CACNB2: variants seen among roughly 807,000 people sequenced by gnomAD.
CACNB2 encodes voltage-dependent L-type calcium channel subunit beta-2.
Under a neutral mutation model 73.3 loss-of-function variants are expected in CACNB2, and 42 were observed. The observed-to-expected ratio is 0.57, with a 90% CI of 0.45 to 0.74. The LOEUF is 0.74. CACNB2 is among the 30% of genes least tolerant of loss of function. The pLI is 0.00. For synonymous variants in CACNB2, 348 were observed against 310.3 expected (o/e 1.12, Z -1.28); for missense variants, 940 against 853.0 (o/e 1.10, Z -1.27).
chr10:18,157,629 G>C lies in CACNB2; in HGVS notation c.213+6654G>C, dbSNP rs1478967596. Among the ~76,000 whole-genome samples, 6 of 152,196 alleles carry C rather than the reference G, an allele frequency of 3.9e-5. No homozygotes were observed. In the East Asian group the frequency reaches 9.6e-4, roughly 24 times the overall value. ...CACAGATGAGAAATGGAGGCTCAGA[G>C]GTGAAGTGACTTTTCCACAGTCACG... is the stretch of plus-strand genomic sequence containing the variant. On this transcript the variant is annotated intron_variant, in intron 2 of 13. Transcript: ENST00000324631.
At chr10:18,318,780 A>G (rs1334847840) in intron 2 of CACNB2, among the ~76,000 whole-genome samples, 1 of 152,250 alleles carries the variant, frequency 6.6e-6, no homozygotes, top group Non-Finnish European at 1.5e-5. Flanking sequence ...CCCATCAAAA[A>G]GTGGGCCAAG....
Position 18,231,701 on chromosome 10 carries a change from A to G in CACNB2, c.213+80726A>G, listed in dbSNP as rs181537478. ...AATAGAAACTTGCTGTCCTGGATCT[A>G]TGTGATTCAGGGGTAAAGCATGCTG... On this transcript the variant is annotated intron_variant, in intron 2 of 13. Transcript: ENST00000324631. 3.9e-5 allele frequency among the ~76,000 whole-genome samples: 6 copies of G among 152,300 alleles called. No individual in the cohort carries two copies. The East Asian group carries it at 7.7e-4, about 20-fold the overall frequency.
intron 5 of CACNB2, among the ~76,000 whole-genome samples, chr10:18,503,205 G>C (rs1267544914): frequency 3.3e-5 from 5 of 152,212 alleles, no homozygotes; most frequent in Admixed American, 3.3e-4. Context: ...CAGGGTGTTT[G>C]AAGACCCGAT....
chr10:18,472,152 A>G (rs1220671199), intron 3 of CACNB2, among the ~76,000 whole-genome samples: 1 of 148,594 alleles, frequency 6.7e-6, no homozygotes, highest in Non-Finnish European at 1.5e-5. Flanking sequence ...CTTGAGCCCC[A>G]TGGTTGACTA....
intron 2 of CACNB2, chr10:18,261,390 C>T (rs1588877021): frequency 7.7e-6 from 12 of 1,549,636 alleles, no homozygotes; most frequent in Admixed American, 2.0e-5. Flanking sequence ...TGCATGTTGC[C>T]TCTTTCAGCT....
At chr10:18,175,490 C>T (rs2033531425) in intron 2 of CACNB2, among the ~76,000 whole-genome samples, 2 of 152,194 alleles carry the variant, frequency 1.3e-5, no homozygotes, top group Non-Finnish European at 2.9e-5. Context: ...TGAAAGTTCA[C>T]AGGCTCTTAT....
intron 2 of CACNB2, chr10:18,261,098 C>T: frequency 6.8e-7 from 1 of 1,470,482 alleles, no homozygotes; most frequent in East Asian, 2.6e-5. Flanking sequence ...GGCATGCCTG[C>T]AGGAACGGTG....
chr10:18,264,587 C>G (rs1007386338), intron 2 of CACNB2, among the ~76,000 whole-genome samples: 2 of 152,210 alleles, frequency 1.3e-5, no homozygotes, highest in Non-Finnish European at 2.9e-5. Flanking sequence ...TTTCCTGTTT[C>G]TGAATTTTAT....
intron 2 of CACNB2, among the ~76,000 whole-genome samples, chr10:18,310,370 C>G (rs1320115752): frequency 1.3e-5 from 2 of 151,734 alleles, no homozygotes; most frequent in African/African-American, 4.8e-5. Flanking sequence ...CTTTGGGAGG[C>G]TGAGGTGGGC....
At chr10:18,430,589 C>T (rs1309157592) in intron 3 of CACNB2, among the ~76,000 whole-genome samples, 1 of 152,138 alleles carries the variant, frequency 6.6e-6, no homozygotes, top group Non-Finnish European at 1.5e-5. Flanking sequence ...GTGATTGCGC[C>T]ACTGCACTCC....
rs1382822073 is a variant in CACNB2, at chr10:18,339,484, G to A, written c.214-62440G>A. Among the ~76,000 whole-genome samples, 3 of 152,116 alleles carry A rather than the reference G, an allele frequency of 2.0e-5. No homozygotes were observed. The East Asian group carries it at 5.8e-4, about 29-fold the overall frequency. On this transcript the variant is annotated intron_variant, in intron 2 of 13. Transcript: ENST00000324631. Reference sequence around the variant, plus strand: ...TGCAGTGAGCCGAGATCGCGCCACTGCACTACAGCCCGGGCAACACAGCAA... The same window carrying A: ...TGCAGTGAGCCGAGATCGCGCCACTACACTACAGCCCGGGCAACACAGCAA...
In CACNB2 at chr10:18,173,761, G is replaced by A. The variant is rs563053426; in HGVS notation, c.213+22786G>A. On this transcript the variant is annotated intron_variant, in intron 2 of 13. Transcript: ENST00000324631. ...GCCTAAAAGGCCCAGGACATTGTATGTTTTGTTGATATTAAGTTTGTATCT... is the reference window on the plus strand; with the variant it reads ...GCCTAAAAGGCCCAGGACATTGTATATTTTGTTGATATTAAGTTTGTATCT... Among the ~76,000 whole-genome samples the A allele has an allele frequency of 9.2e-5, 14 of 152,252 alleles. No homozygotes were observed. In the South Asian group the frequency reaches 2.9e-3, roughly 32 times the overall value.
chr10:18,345,866 T>G lies in CACNB2; in HGVS notation c.214-56058T>G, dbSNP rs143739795. 5.9e-4 allele frequency among the ~76,000 whole-genome samples: 90 copies of G among 152,298 alleles called. 1 individual carries two copies. The East Asian group carries it at 0.012, about 20-fold the overall frequency. ...CTTTATTCAGATATCTCACTTATTTTTGACAGGGAGCTAATAACCATTACG... is the reference window on the plus strand; with the variant it reads ...CTTTATTCAGATATCTCACTTATTTGTGACAGGGAGCTAATAACCATTACG... On this transcript the variant is annotated intron_variant, in intron 2 of 13. Transcript: ENST00000324631.
intron 2 of CACNB2, among the ~76,000 whole-genome samples, chr10:18,242,812 G>A (rs527625485): frequency 4.7e-4 from 66 of 141,548 alleles, no homozygotes; most frequent in African/African-American, 1.6e-3. Flanking sequence ...GTGAAACCCC[G>A]TCTCTACTAA....
chr10:18,148,515 G>C (rs1026184924), intron 1 of CACNB2, among the ~76,000 whole-genome samples: 2 of 152,200 alleles, frequency 1.3e-5, no homozygotes, highest in African/African-American at 2.4e-5. Flanking sequence ...GCAGAGAACA[G>C]CCACCTCCTC....
chr10:18,257,977 C>A (rs2037354934), intron 2 of CACNB2, among the ~76,000 whole-genome samples: 1 of 152,220 alleles, frequency 6.6e-6, no homozygotes, highest in Non-Finnish European at 1.5e-5. Context: ...CTTCTGACCT[C>A]AGGTGATCTG....
chr10:18,399,821 T>G (rs2043900267), intron 2 of CACNB2, among the ~76,000 whole-genome samples: 1 of 152,204 alleles, frequency 6.6e-6, no homozygotes, highest in Non-Finnish European at 1.5e-5. Flanking sequence ...AAGTGTATAT[T>G]TCTTAATAAG....
At chr10:18,249,946 A>ATG (rs1447782180) in intron 2 of CACNB2, among the ~76,000 whole-genome samples, 3 of 152,160 alleles carry the variant, frequency 2.0e-5, no homozygotes, top group Non-Finnish European at 4.4e-5. Flanking sequence ...TGGAGCAATC[A>ATG]TGTGAATGGT....
intron 2 of CACNB2, among the ~76,000 whole-genome samples, chr10:18,363,067 C>G (rs188426439): frequency 6.6e-6 from 1 of 152,214 alleles, no homozygotes; most frequent in Non-Finnish European, 1.5e-5. Flanking sequence ...TGTCTCTCCT[C>G]TCTGTCATAG....
Sources: allele counts gnomAD v4.1 joint callset (sites outside exome capture counted in the v4.1 genomes callset), GRCh38; gene constraint gnomAD v4.1.1; transcripts MANE v1.5; gene names NCBI Gene and HGNC (gene_info 2026-07-23, HGNC 2026-07-21).